Variants in CEP85L observed in about 807,000 individuals in gnomAD.
CEP85L encodes the protein centrosomal protein 85L.
CEP85L carries 60 observed loss-of-function variants against 100.3 expected under a neutral mutation model. That is an observed-to-expected ratio of 0.60 (90% CI 0.49 to 0.74). The LOEUF (loss-of-function observed/expected upper bound fraction) is 0.74. Among genes scored for constraint, CEP85L ranks in the 30% least tolerant of loss-of-function variants. The pLI is 0.00. For synonymous variants in CEP85L, 319 were observed against 322.7 expected (o/e 0.99, Z 0.12); for missense variants, 973 against 936.2 (o/e 1.04, Z -0.51).
intron 3 of CEP85L, among the ~76,000 whole-genome samples, chr6:118,550,917 G>A (rs12211576): frequency 0.46 from 70,375 of 151,360 alleles, 16,854 homozygotes; most frequent in Middle Eastern, 0.57. Context: ...AGAAATATAC[G>A]AAAATTACAG....
chr6:118,660,602 A>T (rs1030403875), intron 1 of CEP85L, among the ~76,000 whole-genome samples: 9 of 152,242 alleles, frequency 5.9e-5, no homozygotes, highest in Non-Finnish European at 1.2e-4. Flanking sequence ...GGTTCACAGG[A>T]TCTATATTGA....
intron 5 of CEP85L, among the ~76,000 whole-genome samples, chr6:118,498,297 C>A (rs12194679): frequency 0.1 from 15,404 of 152,024 alleles, 940 homozygotes; most frequent in African/African-American, 0.16. Flanking sequence ...GGTTCGAGAC[C>A]AGCCTAGGCA....
At chr6:118,526,708 G>C (rs1251681146) in intron 3 of CEP85L, among the ~76,000 whole-genome samples, 1 of 152,146 alleles carries the variant, frequency 6.6e-6, no homozygotes. Flanking sequence ...GCGACCTCTG[G>C]TCATCTTTAC....
chr6:118,651,391 G>A lies in CEP85L; in HGVS notation c.-122C>T, dbSNP rs1775550482. On this transcript the variant is annotated 5_prime_UTR_variant, in exon 1 of 13. Coordinates refer to ENST00000368491, the MANE Select transcript of CEP85L (RefSeq NM_001042475.3). ...CGGCGACACGGGCAGGAGGAAAGGCGGGATGGCTGGTTAACGGCTGCTCAG... is the reference window on the plus strand; with the variant it reads ...CGGCGACACGGGCAGGAGGAAAGGCAGGATGGCTGGTTAACGGCTGCTCAG... The A allele has an allele frequency of 1.5e-6, 2 of 1,356,584 alleles. No homozygotes were observed. Among genetic ancestry groups the A allele is most frequent in the Non-Finnish European group, 9.5e-7 (1 of 1,057,398 alleles). The allele number at this position is 1,356,584 out of a possible 1,614,324, so 84.0% of individuals were successfully genotyped here.
chr6:118,482,015 A>T, intron 7 of CEP85L, 82 bp from the exon 8 acceptor site: 4 of 682,812 alleles, frequency 5.9e-6, no homozygotes, highest in Non-Finnish European at 8.4e-6. Flanking sequence ...GTTGGCAAGG[A>T]TTAACAGACT....
chr6:118,658,045 T>TA (rs1347297658), intron 1 of CEP85L, among the ~76,000 whole-genome samples: 1 of 152,166 alleles, frequency 6.6e-6, no homozygotes, highest in African/African-American at 2.4e-5. Context: ...GAACTGTAAA[T>TA]AGAGTTAACA....
At chr6:118,562,006 G>C (rs1033894690) in intron 3 of CEP85L, among the ~76,000 whole-genome samples, 1 of 152,044 alleles carries the variant, frequency 6.6e-6, no homozygotes, top group Non-Finnish European at 1.5e-5. Context: ...AAAATGTCCA[G>C]AAATTTTATG....
chr6:118,488,164 A>G (rs2114583218), intron 6 of CEP85L, among the ~76,000 whole-genome samples: 1 of 152,220 alleles, frequency 6.6e-6, no homozygotes, highest in East Asian at 1.9e-4. Flanking sequence ...AAGAGGGAGG[A>G]AAAATTAACA....
chr6:118,546,043 T>TGATAACACTATA (rs1778181848), intron 3 of CEP85L, among the ~76,000 whole-genome samples: 1 of 147,744 alleles, frequency 6.8e-6, no homozygotes, highest in African/African-American at 2.5e-5. Context: ...AGGAACACTC[T>TGATAACACTATA]ACTGATAACA....
chr6:118,502,407 G>GTT (rs1775364171), intron 5 of CEP85L: 1 of 525,406 alleles, frequency 1.9e-6, no homozygotes, highest in Non-Finnish European at 3.7e-6. Flanking sequence ...AACAAAAGGA[G>GTT]GGGATTCCAG....
chr6:118,659,244 A>G (rs1298882949), intron 1 of CEP85L, among the ~76,000 whole-genome samples: 1 of 152,218 alleles, frequency 6.6e-6, no homozygotes, highest in Non-Finnish European at 1.5e-5. Context: ...TGAACAAAGC[A>G]TCTAAAATCA....
intron 2 of CEP85L, among the ~76,000 whole-genome samples, chr6:118,612,896 A>G (rs919390827): frequency 6.6e-6 from 1 of 152,014 alleles, no homozygotes; most frequent in Admixed American, 6.6e-5. Context: ...CAAAACTGAA[A>G]AACAAGGCAG....
chr6:118,674,523 C>CA (rs34699146), intron 1 of CEP85L, among the ~76,000 whole-genome samples: 8,217 of 106,154 alleles, frequency 0.077, 451 homozygotes, highest in African/African-American at 0.18. Flanking sequence ...GACTCCATCT[C>CA]AAAAAAAAAA....
At chr6:118,565,187 C>A in intron 3 of CEP85L, 1 of 230,896 alleles carries the variant, frequency 4.3e-6, no homozygotes. Flanking sequence ...CTTGTATAGC[C>A]AAGTTGATGC....
At chr6:118,638,751 A>G (rs1774678325) in intron 1 of CEP85L, among the ~76,000 whole-genome samples, 1 of 151,964 alleles carries the variant, frequency 6.6e-6, no homozygotes, top group Non-Finnish European at 1.5e-5. Flanking sequence ...AATTTTAATT[A>G]TTTTAATAGA....
intron 5 of CEP85L, among the ~76,000 whole-genome samples, chr6:118,496,356 T>TTTTTATTGTATTTTATTTTA (rs1774920118): frequency 2.9e-5 from 4 of 139,460 alleles, no homozygotes; most frequent in African/African-American, 1.1e-4. Context: ...TATTTTATAT[T>TTTTTATTGTATTTTATTTTA]TTTTATTTTA....
At chr6:118,578,940 G>T (rs1780405186) in intron 2 of CEP85L, among the ~76,000 whole-genome samples, 1 of 152,072 alleles carries the variant, frequency 6.6e-6, no homozygotes, top group Admixed American at 6.5e-5. Flanking sequence ...CTGTCACCCA[G>T]GCTGGTGTGC....
intron 2 of CEP85L, among the ~76,000 whole-genome samples, chr6:118,606,427 G>A (rs1041417677): frequency 3.3e-5 from 5 of 152,238 alleles, no homozygotes; most frequent in Non-Finnish European, 5.9e-5. Context: ...AGTGCAAAAT[G>A]TCAGCTACTG....
chr6:118,509,388 C>A (rs563980531), intron 5 of CEP85L, among the ~76,000 whole-genome samples: 14 of 152,044 alleles, frequency 9.2e-5, no homozygotes, highest in Non-Finnish European at 1.5e-4. Context: ...TATAGAAATA[C>A]CATTTTCAAA....
Sources: gnomAD v4.1 joint callset for allele counts (sites outside exome capture counted in the v4.1 genomes callset) on GRCh38, gnomAD v4.1.1 for gene constraint, MANE v1.5 for transcripts, NCBI Gene and HGNC (gene_info 2026-07-23, HGNC 2026-07-21) for gene names.